The following KALRN variants were observed in gnomAD, a reference collection of about 807,000 sequenced individuals.
KALRN encodes kalirin RhoGEF kinase, also known as kalirin.
In KALRN, 70 loss-of-function variants were observed where a neutral mutation model predicts 353.7. The observed-to-expected ratio is 0.20, with a 90% CI of 0.16 to 0.24. KALRN has a LOEUF of 0.24. Among genes scored for constraint, KALRN ranks in the 10% least tolerant of loss-of-function variants. The probability of loss-of-function intolerance (pLI) is 1.00; values close to 1 mark genes in which losing one functional copy is unlikely to be tolerated. For missense variants in KALRN, 2,791 were observed against 3,756.7 expected (o/e 0.74, Z 6.72); for synonymous variants, 1,391 against 1,434.8 (o/e 0.97, Z 0.69).
intron 9 of KALRN, among the ~76,000 whole-genome samples, chr3:124,339,474 C>T (rs373243671): frequency 1.8e-3 from 271 of 152,246 alleles, no homozygotes; most frequent in Non-Finnish European, 2.8e-3. Context: ...AAAGAGGGGA[C>T]GCAAAATGAG....
Position 124,340,870 on chromosome 3 carries a change from C to T in KALRN, c.1648-6273C>T, listed in dbSNP as rs374473038. Among the ~76,000 whole-genome samples, 135 of 152,262 alleles carry T rather than the reference C, an allele frequency of 8.9e-4. 4 individuals carry two copies. In the South Asian group the frequency reaches 0.026, roughly 29 times the overall value. On this transcript the variant is annotated intron_variant, in intron 9 of 59. Coordinates refer to ENST00000682506, the MANE Select transcript of KALRN (RefSeq NM_001388419.1). ...ACTCAGGAGGCTGAGGCAGGAGAAT[C>T]GCTTGAACCTGGGAGGCAGAGGCTG...
intron 1 of KALRN, among the ~76,000 whole-genome samples, chr3:124,193,128 T>G (rs770006973): frequency 5.3e-5 from 8 of 152,322 alleles, no homozygotes; most frequent in Non-Finnish European, 1.0e-4. Flanking sequence ...CCAACTTCTG[T>G]CCTGCCATTT....
chr3:124,082,015 G>T (rs2060567557), intron 1 of KALRN, among the ~76,000 whole-genome samples: 1 of 152,224 alleles, frequency 6.6e-6, no homozygotes, highest in African/African-American at 2.4e-5. Flanking sequence ...TTAGAAATTT[G>T]TTATAAGACA....
At chr3:124,462,917 CT>C (rs2059988409) in intron 25 of KALRN, among the ~76,000 whole-genome samples, 1 of 152,220 alleles carries the variant, frequency 6.6e-6, no homozygotes, top group South Asian at 2.1e-4. Flanking sequence ...ATAAAAGTAG[CT>C]TCTCCTCATT....
intron 5 of KALRN, among the ~76,000 whole-genome samples, chr3:124,287,784 T>G (rs2076055372): frequency 4.3e-4 from 4 of 9,236 alleles, no homozygotes. Context: ...TATATATATA[T>G]ATATATATAT....
Position 124,455,349 on chromosome 3 carries a change from T to C in KALRN, c.3725T>C (p.Val1242Ala). 1 of 1,613,712 alleles carries C rather than the reference T, an allele frequency of 6.2e-7. No homozygotes were observed. Among genetic ancestry groups the C allele is most frequent in the Non-Finnish European group, 8.5e-7 (1 of 1,179,830 alleles). ...TACTCACTGGAGAAAGCCCTAGGAG[T>C]CAACACAGAGGTAGGCAGGGGTATT... ...YRYSLEKALG[V>A]NTEDNKDLEL... The change falls in exon 22 of 60, where the codon GTC becomes GCC. Residue 1242 changes from valine (V) to alanine (A), a missense_variant. By Grantham distance (64) the Val-to-Ala change is moderately conservative. Coordinates refer to ENST00000682506, the MANE Select transcript of KALRN (RefSeq NM_001388419.1).
intron 32 of KALRN, among the ~76,000 whole-genome samples, chr3:124,495,729 T>TAAA (rs1170201040): frequency 0.11 from 7,137 of 67,750 alleles, 443 homozygotes; most frequent in Non-Finnish European, 0.11. Flanking sequence ...GACTCCATCT[T>TAAA]AAAAAAAAAA....
At chr3:124,539,630 T>C (rs115818995) in intron 33 of KALRN, among the ~76,000 whole-genome samples, 1,972 of 152,264 alleles carry the variant, frequency 0.013, 36 homozygotes, top group African/African-American at 0.044. Context: ...CTGGTGTTTT[T>C]ATAGGAAAAC....
chr3:124,599,630 G>A (rs1450406420), intron 34 of KALRN, among the ~76,000 whole-genome samples: 1 of 152,190 alleles, frequency 6.6e-6, no homozygotes, highest in Non-Finnish European at 1.5e-5. Context: ...ACCTGTTTCT[G>A]TAACATTTGG....
At chr3:124,046,962 C>A (rs2040529294) in intron 1 of KALRN, among the ~76,000 whole-genome samples, 2 of 147,362 alleles carry the variant, frequency 1.4e-5, no homozygotes. Context: ...TATAATGAAA[C>A]ACTGTGCTAA....
At chr3:124,576,249 T>C (rs1440632891) in intron 34 of KALRN, among the ~76,000 whole-genome samples, 1 of 152,048 alleles carries the variant, frequency 6.6e-6, no homozygotes, top group Non-Finnish European at 1.5e-5. Context: ...TTTGTTAATA[T>C]TCCTCTGCAA....
intron 1 of KALRN, among the ~76,000 whole-genome samples, chr3:124,157,822 T>C (rs190522824): frequency 6.6e-6 from 1 of 152,286 alleles, no homozygotes; most frequent in East Asian, 1.9e-4. Flanking sequence ...TCTTCCCTTT[T>C]GTCTTAACTG....
chr3:124,034,456 G>T lies in KALRN; in HGVS notation c.73+643G>T, dbSNP rs546896628. On this transcript the variant is annotated intron_variant, in intron 1 of 59. Coordinates refer to ENST00000682506, the MANE Select transcript of KALRN (RefSeq NM_001388419.1). The stretch of plus-strand genomic sequence containing the variant: ...CTCCTCTTCAGTTCTGGGAACGGAG[G>T]AGCTATTCATAAGAATTACTCATTC... Among the ~76,000 whole-genome samples the T allele has an allele frequency of 4.2e-4, 64 of 152,306 alleles. No homozygotes were observed. In the East Asian group the frequency reaches 0.012, roughly 29 times the overall value.
chr3:124,059,432 C>A (rs1029063550), intron 1 of KALRN, among the ~76,000 whole-genome samples: 3 of 152,010 alleles, frequency 2.0e-5, no homozygotes, highest in African/African-American at 7.2e-5. Context: ...ACTCTCTTAG[C>A]AATTTCCAAC....
chr3:124,344,093 A>G (rs2082034347), intron 9 of KALRN, among the ~76,000 whole-genome samples: 1 of 152,246 alleles, frequency 6.6e-6, no homozygotes, highest in Non-Finnish European at 1.5e-5. Context: ...GTAATTGAGT[A>G]TTTTAAATAT....
chr3:124,655,598 C>T lies in KALRN; in HGVS notation c.5796-3C>T. 6.2e-7 allele frequency: 1 copy of T among 1,612,518 alleles called. No homozygotes were observed. The highest frequency in any genetic ancestry group is 1.1e-5 in the South Asian group (1 of 91,014). Reference sequence around the variant, plus strand: ...CACTCACTGTTCTTAATCTCCTGCTCAGGTTTGTCCTGAATGAGCTGGTAC... The same window carrying T: ...CACTCACTGTTCTTAATCTCCTGCTTAGGTTTGTCCTGAATGAGCTGGTAC... On this transcript the variant is annotated splice_polypyrimidine_tract_variant and splice_region_variant and intron_variant, in intron 38 of 59. Transcript: ENST00000682506.
chr3:124,257,652 G>T (rs1560381150), intron 3 of KALRN, among the ~76,000 whole-genome samples: 1 of 152,134 alleles, frequency 6.6e-6, no homozygotes, highest in Non-Finnish European at 1.5e-5. Flanking sequence ...CAAAGGGTGA[G>T]AACCTGGCCA....
chr3:124,174,750 C>A (rs1314711691), intron 1 of KALRN, among the ~76,000 whole-genome samples: 1 of 152,208 alleles, frequency 6.6e-6, no homozygotes, highest in Non-Finnish European at 1.5e-5. Context: ...GGCCCCTTGT[C>A]AATGGAGCAT....
intron 33 of KALRN, 154 bp from the exon 34 acceptor site, chr3:124,562,689 C>A: frequency 1.8e-6 from 1 of 564,154 alleles, no homozygotes; most frequent in Non-Finnish European, 2.7e-6. Context: ...CATCTCTCTG[C>A]CCTAAACACC....
Sources: allele counts gnomAD v4.1 joint callset (sites outside exome capture counted in the v4.1 genomes callset), GRCh38; gene constraint gnomAD v4.1.1; transcripts MANE v1.5; gene names NCBI Gene and HGNC (gene_info 2026-07-23, HGNC 2026-07-21).